The following SPAG16 variants were observed in gnomAD, a reference collection of about 807,000 sequenced individuals.
SPAG16 encodes sperm-associated antigen 16 protein.
SPAG16 carries 86 observed loss-of-function variants against 80.4 expected under a neutral mutation model. The observed-to-expected ratio is 1.07, with a 90% CI of 0.90 to 1.28. The LOEUF (loss-of-function observed/expected upper bound fraction) is 1.28, where lower values mean the gene tolerates loss of function less well. Among genes scored for constraint, SPAG16 ranks in the 50% most tolerant of loss-of-function variants. SPAG16 has a pLI of 0.00. For missense variants in SPAG16, 870 were observed against 765.3 expected, an observed-to-expected ratio of 1.14 and a Z score of -1.61; for synonymous variants, 294 against 265.9, an observed-to-expected ratio of 1.11 and a Z score of -1.03.
At chr2:213,637,151 T>C (rs930610299) in intron 10 of SPAG16, among the ~76,000 whole-genome samples, 1 of 152,198 alleles carries the variant, frequency 6.6e-6, no homozygotes, top group African/African-American at 2.4e-5. Flanking sequence ...TTGCTGAGGG[T>C]TTAAATCATA....
At chr2:213,472,267 T>G (rs941641884) in intron 9 of SPAG16, among the ~76,000 whole-genome samples, 1 of 152,154 alleles carries the variant, frequency 6.6e-6, no homozygotes, top group Non-Finnish European at 1.5e-5. Context: ...AAAAGGCATT[T>G]GCCAACTCAA....
intron 9 of SPAG16, among the ~76,000 whole-genome samples, chr2:213,485,026 T>G (rs994174864): frequency 4.0e-5 from 6 of 151,836 alleles, no homozygotes; most frequent in Non-Finnish European, 5.9e-5. Context: ...CAGCGTCTCA[T>G]TCTGTCCATT....
At chr2:214,039,739 C>A (rs777119712) in intron 13 of SPAG16, among the ~76,000 whole-genome samples, 1 of 152,196 alleles carries the variant, frequency 6.6e-6, no homozygotes, top group Admixed American at 6.5e-5. Context: ...AAATGCTACT[C>A]CTCTCTACCT....
intron 15 of SPAG16, among the ~76,000 whole-genome samples, chr2:214,334,116 G>A (rs1317327914): frequency 6.6e-6 from 1 of 152,162 alleles, no homozygotes; most frequent in African/African-American, 2.4e-5. Flanking sequence ...CTGTAGGGCT[G>A]AGGGATACAT....
At chr2:214,108,798 T>G (rs112262670) in intron 14 of SPAG16, among the ~76,000 whole-genome samples, 49 of 152,270 alleles carry the variant, frequency 3.2e-4, no homozygotes, top group African/African-American at 1.0e-3. Flanking sequence ...TAAAAACTGA[T>G]GACAAAACAA....
intron 12 of SPAG16, among the ~76,000 whole-genome samples, chr2:213,934,550 GA>G (rs2078907462): frequency 6.6e-6 from 1 of 152,148 alleles, no homozygotes; most frequent in South Asian, 2.1e-4. Context: ...TATTTGGTGA[GA>G]AAAAGGCCAA....
intron 12 of SPAG16, among the ~76,000 whole-genome samples, chr2:213,947,880 C>T (rs537103700): frequency 1.2e-4 from 18 of 151,998 alleles, no homozygotes; most frequent in Non-Finnish European, 2.9e-5. Context: ...AGTGTGATTC[C>T]TTCAGCAATT....
intron 12 of SPAG16, among the ~76,000 whole-genome samples, chr2:213,996,998 G>A (rs527631097): frequency 1.3e-5 from 2 of 152,192 alleles, no homozygotes; most frequent in Non-Finnish European, 2.9e-5. Context: ...CTGGAAAGAG[G>A]GACAACATCC....
intron 9 of SPAG16, chr2:213,396,793 C>T (rs1452734000): frequency 2.0e-5 from 7 of 350,812 alleles, no homozygotes; most frequent in Non-Finnish European, 2.9e-5. Context: ...CTTTCGTCAA[C>T]ACCCATACCC....
chr2:214,209,343 G>T (rs2058228387), intron 15 of SPAG16, among the ~76,000 whole-genome samples: 1 of 152,126 alleles, frequency 6.6e-6, no homozygotes, highest in African/African-American at 2.4e-5. Flanking sequence ...AATTTTGCTT[G>T]TGTCTCACAC....
intron 15 of SPAG16, among the ~76,000 whole-genome samples, chr2:214,222,644 T>C (rs935960592): frequency 1.3e-5 from 2 of 152,226 alleles, no homozygotes; most frequent in Admixed American, 6.5e-5. Context: ...AGAATACTTA[T>C]TGCTAGCAAT....
At chr2:213,900,778 A>G (rs533354374) in intron 11 of SPAG16, among the ~76,000 whole-genome samples, 17 of 152,216 alleles carry the variant, frequency 1.1e-4, no homozygotes, top group African/African-American at 3.4e-4. Context: ...ACACCTACTC[A>G]TATGTATAGA....
At chr2:214,114,291 C>A (rs1294948334) in intron 14 of SPAG16, among the ~76,000 whole-genome samples, 1 of 152,176 alleles carries the variant, frequency 6.6e-6, no homozygotes, top group Non-Finnish European at 1.5e-5. Context: ...GGTCAGGGAC[C>A]CACTTGAGGA....
chr2:213,684,605 C>T (rs9679714), intron 10 of SPAG16, among the ~76,000 whole-genome samples: 62,888 of 151,930 alleles, frequency 0.41, 13,934 homozygotes, highest in African/African-American at 0.56. Context: ...TCTATATAAA[C>T]TATATGTGTT....
intron 13 of SPAG16, among the ~76,000 whole-genome samples, chr2:214,056,342 A>T (rs2049946022): frequency 6.6e-6 from 1 of 151,492 alleles, no homozygotes; most frequent in South Asian, 2.1e-4. Context: ...GAGGGAGAGA[A>T]GTCATTTATA....
At chr2:213,927,761 T>C (rs1306658593) in intron 11 of SPAG16, among the ~76,000 whole-genome samples, 1 of 152,296 alleles carries the variant, frequency 6.6e-6, no homozygotes, top group East Asian at 1.9e-4. Flanking sequence ...ATAAAACTTA[T>C]ATGAGAGGGT....
At chr2:214,016,115 T>G (rs968624416) in intron 13 of SPAG16, among the ~76,000 whole-genome samples, 1 of 152,230 alleles carries the variant, frequency 6.6e-6, no homozygotes, top group South Asian at 2.1e-4. Context: ...ACTGGATTAC[T>G]GGTAGGTTCA....
At chr2:214,261,765 T>G (rs150451638) in intron 15 of SPAG16, among the ~76,000 whole-genome samples, 2 of 152,320 alleles carry the variant, frequency 1.3e-5, no homozygotes, top group East Asian at 3.9e-4. Flanking sequence ...TATACCTGTA[T>G]AATTACAGTC....
chr2:214,340,067 A>G (rs535759559), intron 15 of SPAG16, among the ~76,000 whole-genome samples: 62 of 152,338 alleles, frequency 4.1e-4, no homozygotes, highest in African/African-American at 1.5e-3. Context: ...GTTACACAGT[A>G]ATAGAAAACC....
Sources: gnomAD v4.1 joint callset for allele counts (sites outside exome capture counted in the v4.1 genomes callset) on GRCh38, gnomAD v4.1.1 for gene constraint, MANE v1.5 for transcripts, NCBI Gene and HGNC (gene_info 2026-07-23, HGNC 2026-07-21) for gene names.